The following PIEZO1 variants were observed in gnomAD, a reference collection of about 807,000 sequenced individuals.
PIEZO1 encodes piezo type mechanosensitive ion channel component 1 (Er blood group).
PIEZO1 carries 296 observed loss-of-function variants against 297.2 expected under a neutral mutation model. That is an observed-to-expected ratio of 1.00 (90% CI 0.91 to 1.10). The LOEUF (loss-of-function observed/expected upper bound fraction) is 1.10. Ranked by LOEUF, PIEZO1 falls within the 50% of genes least tolerant of loss-of-function variation. The pLI is 0.00. For missense variants in PIEZO1, 5,018 were observed against 3,455.5 expected, an observed-to-expected ratio of 1.45 and a Z score of -11.34; for synonymous variants, 2,427 against 1,507.5, an observed-to-expected ratio of 1.61 and a Z score of -14.13.
intron 2 of PIEZO1, among the ~76,000 whole-genome samples, 167 bp from the exon 3 acceptor site, chr16:88,742,589 CCACGCCT>C (rs1407759116): frequency 6.6e-6 from 1 of 152,190 alleles, no homozygotes; most frequent in Non-Finnish European, 1.5e-5. Flanking sequence ...GCCCCACTCC[CCACGCCT>C]CCCGAGGGTC....
chr16:88,761,132 C>T (rs1041558007), intron 1 of PIEZO1, among the ~76,000 whole-genome samples: 1 of 152,212 alleles, frequency 6.6e-6, no homozygotes, highest in Non-Finnish European at 1.5e-5. Flanking sequence ...AGAGGGTCAG[C>T]AGGCACCTGC....
At chr16:88,738,134 C>A in intron 7 of PIEZO1, 29 bp from the exon 8 acceptor site, 1 of 1,535,600 alleles carries the variant, frequency 6.5e-7, no homozygotes, top group Non-Finnish European at 8.7e-7. Flanking sequence ...TCACAGCCTA[C>A]CACCCCAGAG....
In PIEZO1 at chr16:88,737,827, G is replaced by C; in HGVS notation, c.1021-13C>G. 1.3e-6 allele frequency: 2 copies of C among 1,535,598 alleles called. No homozygotes were observed. The highest frequency in any genetic ancestry group is 1.7e-6 in the Non-Finnish European group (2 of 1,146,538). Reference sequence around the variant, plus strand: ...CCGCCTCCTTCCTCTGCAGAGACCAGCGTCTTGAGCCCAAACCAGCTCCAC... The same window carrying C: ...CCGCCTCCTTCCTCTGCAGAGACCACCGTCTTGAGCCCAAACCAGCTCCAC... On this transcript the variant is annotated splice_polypyrimidine_tract_variant and intron_variant, in intron 8 of 50. Transcript: ENST00000301015.
chr16:88,759,742 C>T (rs1387373761), intron 1 of PIEZO1, among the ~76,000 whole-genome samples: 1 of 152,196 alleles, frequency 6.6e-6, no homozygotes, highest in Non-Finnish European at 1.5e-5. Context: ...GCAAGGTTGG[C>T]CCAGGGGACG....
At chr16:88,783,096 C>T (rs769770102) in intron 1 of PIEZO1, among the ~76,000 whole-genome samples, 2 of 152,176 alleles carry the variant, frequency 1.3e-5, no homozygotes, top group African/African-American at 4.8e-5. Context: ...AAGACTGACA[C>T]GGGGCCTGGG....
At chr16:88,732,225 G>A (rs1052659172) in intron 21 of PIEZO1, 110 bp downstream of exon 21, 1 of 935,720 alleles carries the variant, frequency 1.1e-6, no homozygotes. Flanking sequence ...ACCCTCTGTG[G>A]CCCAGGCAAA....
rs1274860193 is a variant in PIEZO1 at position 88,716,863 on chromosome 16, G to A, written c.6696C>T (p.Ile2232=). ...LFTMSAQQPS[I]IPFTAQAYEE... is the part of the protein sequence containing the mutation. ...CATAGGCCTGGGCCGTGAAGGGGAT[G>A]ATGGACGGCTGCTGGGCGCTCATGG... Residue 2232 remains isoleucine (I), a synonymous_variant, in exon 46 of 51, where the codon ATC becomes ATT. Coordinates refer to ENST00000301015, the MANE Select transcript of PIEZO1 (RefSeq NM_001142864.4). The A allele has an allele frequency of 1.3e-6, 2 of 1,550,112 alleles. No individual in the cohort carries two copies. Among genetic ancestry groups the A allele is most frequent in the Non-Finnish European group, 8.7e-7 (1 of 1,146,954 alleles).
chr16:88,717,301 A>G (rs1186474545), intron 44 of PIEZO1, 90 bp from the exon 45 acceptor site: 2 of 1,233,412 alleles, frequency 1.6e-6, no homozygotes, highest in Admixed American at 2.0e-5. Flanking sequence ...GCAGCCCAGA[A>G]AAGCCCCAGC....
intron 1 of PIEZO1, among the ~76,000 whole-genome samples, chr16:88,749,809 C>T (rs535941926): frequency 4.6e-5 from 7 of 152,302 alleles, no homozygotes; most frequent in African/African-American, 1.7e-4. Context: ...GGGCGGATCA[C>T]TTGAGGTCAG....
At chr16:88,717,856 G>T (rs1251080512) in intron 44 of PIEZO1, 9 of 430,166 alleles carry the variant, frequency 2.1e-5, no homozygotes, top group South Asian at 1.0e-4. Context: ...CCAACTGCTG[G>T]GTGTGGCGGC....
In PIEZO1 at chr16:88,734,484, G is replaced by A; in HGVS notation, c.2052C>T (p.Ile684=). The A allele has an allele frequency of 3.9e-6, 6 of 1,549,538 alleles. No homozygotes were observed. Among genetic ancestry groups the A allele is most frequent in the Non-Finnish European group, 5.2e-6 (6 of 1,146,526 alleles). Residue 684 remains isoleucine, a synonymous_variant, in exon 16 of 51, where the codon ATC becomes ATT. Transcript: ENST00000301015. The part of the protein sequence containing the change: ...QFSVSELFSS[I]LVPGFFLLAC... The stretch of plus-strand genomic sequence containing the variant: ...CCAGGAGGAAGAAGCCGGGCACCAG[G>A]ATGCTGGAGAAGAGCTCGGACACGC...
Position 88,715,505 on chromosome 16 carries a change from TGGAC to T in PIEZO1, c.*96_*99del. 1 of 1,269,724 alleles carries T rather than the reference TGGAC, an allele frequency of 7.9e-7. No individual in the cohort carries two copies. Among genetic ancestry groups the T allele is most frequent in the Non-Finnish European group, 1.1e-6 (1 of 921,272 alleles). The allele number at this position is 1,269,724 out of a possible 1,614,324, so 78.7% of individuals were successfully genotyped here. On this transcript the variant is annotated 3_prime_UTR_variant, in exon 51 of 51. Coordinates refer to ENST00000301015, the MANE Select transcript of PIEZO1 (RefSeq NM_001142864.4). ...GAGGATGCATCACAGCTGGCGGCCTTGGACGGGGCAGTGGCTCCCCCGGCCTGAG... is the reference window on the plus strand; with the variant it reads ...GAGGATGCATCACAGCTGGCGGCCTTGGGGCAGTGGCTCCCCCGGCCTGAG...
At chr16:88,737,251 A>G in intron 10 of PIEZO1, 1 of 340,946 alleles carries the variant, frequency 2.9e-6, no homozygotes, top group South Asian at 3.0e-5. Flanking sequence ...AGCACAAGAC[A>G]GCATAGCCAC....
In PIEZO1 at chr16:88,725,153, T is replaced by C. The variant is rs984517135; in HGVS notation, c.4163-73A>G. ...GGGGTCGGGGCTGTGAGTGCTCCCG[T>C]CTTGGAGACAGGATAGGTGGAGACA... On this transcript the variant is annotated intron_variant, in intron 29 of 50. Coordinates refer to ENST00000301015, the MANE Select transcript of PIEZO1 (RefSeq NM_001142864.4). 8 of 1,066,928 alleles carry C rather than the reference T, an allele frequency of 7.5e-6. No homozygotes were observed. In the East Asian group the frequency reaches 2.3e-4, roughly 30 times the overall value. 66.1% of individuals were successfully genotyped at this position (1,066,928 alleles called of 1,614,324 possible). A position where few individuals can be genotyped will look rare whatever the true frequency, so the allele number is the denominator to read the frequency against.
At chr16:88,727,419 G>A (rs1161793189) in intron 23 of PIEZO1, 138 bp downstream of exon 23, 3 of 646,258 alleles carry the variant, frequency 4.6e-6, no homozygotes, top group African/African-American at 3.7e-5. Context: ...TGCGTGCGAG[G>A]TCAGGGCCTG....
In PIEZO1 at chr16:88,716,669, G is replaced by T; in HGVS notation, c.6816C>A (p.Gly2272=). The T allele has an allele frequency of 1.3e-6, 2 of 1,549,224 alleles. No homozygotes were observed. The highest frequency in any genetic ancestry group is 2.0e-5 in the Admixed American group (1 of 51,012). Residue 2272 remains glycine, a synonymous_variant, in exon 47 of 51, where the codon GGC becomes GGA. Coordinates refer to ENST00000301015, the MANE Select transcript of PIEZO1 (RefSeq NM_001142864.4). ...PEDIVTAQIE[G]SSGALWRISP... ...TGATGCGCCACAGCGCCCCGGAGCT[G>T]CCCTCAATCTGCGCCGTGACGATGT...
At chr16:88,776,826 T>C (rs1391639050) in intron 1 of PIEZO1, among the ~76,000 whole-genome samples, 2 of 152,214 alleles carry the variant, frequency 1.3e-5, no homozygotes, top group African/African-American at 4.8e-5. Flanking sequence ...CGTCCTCATG[T>C]GTGCAACAGG....
At position 88,723,166 on chromosome 16, in the gene PIEZO1, C is replaced by G. The variant is rs141469687; in HGVS notation, c.4439-15G>C. ...GGGACCACCTCCTGGGCACAGGATG[C>G]TGGTGAGTGACTGGCAGTCCCGCGG... On this transcript the variant is annotated splice_polypyrimidine_tract_variant and intron_variant, in intron 32 of 50. Coordinates refer to ENST00000301015, the MANE Select transcript of PIEZO1 (RefSeq NM_001142864.4). The G allele has an allele frequency of 6.5e-7, 1 of 1,549,442 alleles. No homozygotes were observed. The highest frequency in any genetic ancestry group is 2.0e-5 in the Admixed American group (1 of 51,008).
chr16:88,736,430 ACAGC>A (rs1905222287), intron 11 of PIEZO1, 22 bp from the exon 12 acceptor site: 1 of 1,526,238 alleles, frequency 6.6e-7, no homozygotes, highest in African/African-American at 1.4e-5. Context: ...AGAGGGCTGC[ACAGC>A]TGCCCAGCGC....
Sources: allele counts gnomAD v4.1 joint callset (sites outside exome capture counted in the v4.1 genomes callset), GRCh38; gene constraint gnomAD v4.1.1; transcripts MANE v1.5; gene names NCBI Gene and HGNC (gene_info 2026-07-23, HGNC 2026-07-21).